AMDHD1: variants seen among roughly 807,000 people sequenced by gnomAD.
The protein encoded by AMDHD1 is amidohydrolase domain containing 1.
Under a neutral mutation model 44.1 loss-of-function variants are expected in AMDHD1, and 45 were observed. The ratio of observed to expected loss-of-function variants is 1.02; its 90% CI spans 0.80 to 1.31. The LOEUF (loss-of-function observed/expected upper bound fraction) is 1.31, where lower values mean the gene tolerates loss of function less well. AMDHD1 is among the 50% of genes most tolerant of loss of function. AMDHD1 has a pLI of 0.00. For missense variants in AMDHD1, 586 were observed against 552.1 expected, an observed-to-expected ratio of 1.06 and a Z score of -0.61; for synonymous variants, 206 against 205.0, an observed-to-expected ratio of 1.00 and a Z score of -0.04.
intron 8 of AMDHD1, 37 bp downstream of exon 8, chr12:95,966,545 C>T: frequency 6.2e-7 from 1 of 1,611,636 alleles, no homozygotes; most frequent in Non-Finnish European, 8.5e-7. Context: ...TATATTATGC[C>T]CACTGAAGTA....
At chr12:95,944,669 G>A (rs990013576) in intron 1 of AMDHD1, among the ~76,000 whole-genome samples, 1 of 152,088 alleles carries the variant, frequency 6.6e-6, no homozygotes, top group African/African-American at 2.4e-5. Flanking sequence ...CACCTGGTTT[G>A]GCCTCCCAGT....
At position 95,948,538 on chromosome 12, in the gene AMDHD1, T is replaced by TGG. The variant is rs1386260432; in HGVS notation, c.138-4170_138-4169dup. Among the ~76,000 whole-genome samples, 26 of 29,672 alleles carry TGG rather than the reference T, an allele frequency of 8.8e-4. 4 individuals are homozygous for TGG. The highest frequency in any genetic ancestry group is 1.1e-3 in the Admixed American group (3 of 2,722). The allele number at this position is 29,672 out of a possible 152,430, so 19.5% of individuals were successfully genotyped here. A position where few individuals can be genotyped will look rare whatever the true frequency, so the allele number is the denominator to read the frequency against. ...CCAGCTGCCCCGTCCGGGAGGGAGGTGGGGGGGGGGTCAGCCCCCACCGCC... is the reference window on the plus strand; with the variant it reads ...CCAGCTGCCCCGTCCGGGAGGGAGGTGGGGGGGGGGGGTCAGCCCCCACCGCC... On this transcript the variant is annotated intron_variant, in intron 1 of 8. Coordinates refer to ENST00000266736, the MANE Select transcript of AMDHD1 (RefSeq NM_152435.3).
intron 4 of AMDHD1, 23 bp downstream of exon 4, chr12:95,956,985 C>G: frequency 8.1e-6 from 13 of 1,610,894 alleles, no homozygotes; most frequent in Non-Finnish European, 1.1e-5. Flanking sequence ...AGTGGGGGCC[C>G]GGGTTTAACT....
intron 1 of AMDHD1, among the ~76,000 whole-genome samples, chr12:95,944,657 T>C (rs1294912343): frequency 6.6e-6 from 1 of 152,136 alleles, no homozygotes; most frequent in Non-Finnish European, 1.5e-5. Flanking sequence ...GCTCAAGCCA[T>C]CCACCTGGTT....
chr12:95,953,300 G>A (rs1408598424), intron 2 of AMDHD1, among the ~76,000 whole-genome samples: 1 of 152,190 alleles, frequency 6.6e-6, no homozygotes, highest in East Asian at 1.9e-4. Context: ...TGTATAGGAT[G>A]TGAAACAAAG....
intron 1 of AMDHD1, among the ~76,000 whole-genome samples, chr12:95,944,519 C>G (rs2080484661): frequency 6.6e-6 from 1 of 151,892 alleles, no homozygotes; most frequent in Non-Finnish European, 1.5e-5. Context: ...CAGGCTCAAG[C>G]CATCCTCCCA....
At chr12:95,954,758 C>A (rs11108351) in intron 2 of AMDHD1, among the ~76,000 whole-genome samples, 153 bp from the exon 3 acceptor site, 29,953 of 152,018 alleles carry the variant, frequency 0.2, 3,682 homozygotes, top group East Asian at 0.4. Flanking sequence ...ATCAAGGGAA[C>A]CAGACAGACA....
chr12:95,962,470 A>G lies in AMDHD1; in HGVS notation c.929A>G (p.Tyr310Cys). Residue 310 changes from tyrosine (Y) to cysteine (C), a missense_variant, in exon 6 of 9, where the codon TAC becomes TGC. Tyr to Cys is a radical substitution (Grantham distance 194). Coordinates refer to ENST00000266736, the MANE Select transcript of AMDHD1 (RefSeq NM_152435.3). The stretch of plus-strand genomic sequence containing the variant: ...GCCATCCTTCTGCCCACCACAGCCT[A>G]CATGCTGAGGTAAGGTCGTTTCTCA... ...CSAILLPTTA[Y>C]MLRLKQPRAR... 1 of 1,605,172 alleles carries G rather than the reference A, an allele frequency of 6.2e-7. No homozygotes were observed.
Position 95,960,436 on chromosome 12 carries a change from A to G in AMDHD1, c.626A>G (p.Asn209Ser). 6.2e-7 allele frequency: 1 copy of G among 1,614,224 alleles called. No individual in the cohort carries two copies. Among genetic ancestry groups the G allele is most frequent in the African/African-American group, 1.3e-5 (1 of 75,068 alleles). ...ACTGAAGCTGCTGATGACATCATCA[A>G]TAACCACCTCCCAAAGCTGAAGGAA... ...TATEAADDII[N>S]NHLPKLKELG... is the part of the protein sequence containing the mutation. Residue 209 changes from asparagine (N) to serine (S), a missense_variant, in exon 5 of 9, where the codon AAT (asparagine) becomes AGT (serine). Coordinates refer to ENST00000266736, the MANE Select transcript of AMDHD1 (RefSeq NM_152435.3).
intron 8 of AMDHD1, 79 bp downstream of exon 8, chr12:95,966,587 A>G: frequency 6.5e-7 from 1 of 1,526,750 alleles, no homozygotes; most frequent in Non-Finnish European, 9.0e-7. Context: ...TTTTCCACTA[A>G]TTATTAGTGT....
At chr12:95,958,855 AG>A (rs1214841007) in intron 4 of AMDHD1, among the ~76,000 whole-genome samples, 1 of 152,150 alleles carries the variant, frequency 6.6e-6, no homozygotes, top group Non-Finnish European at 1.5e-5. Context: ...CAGAAGTTTG[AG>A]ACCAGCTTGA....
intron 4 of AMDHD1, among the ~76,000 whole-genome samples, chr12:95,958,813 T>C (rs548151466): frequency 6.6e-6 from 1 of 152,296 alleles, no homozygotes; most frequent in South Asian, 2.1e-4. Context: ...CCCAGCACTT[T>C]GGGGGGCCGA....
At chr12:95,966,246 A>C (rs2080609579) in intron 7 of AMDHD1, 102 bp from the exon 8 acceptor site, 27 of 1,359,616 alleles carry the variant, frequency 2.0e-5, no homozygotes, top group Middle Eastern at 2.1e-4. Context: ...AATTCCTCCT[A>C]TACCTTTAAC....
chr12:95,950,289 C>G (rs766885607), intron 1 of AMDHD1, among the ~76,000 whole-genome samples: 6 of 152,122 alleles, frequency 3.9e-5, no homozygotes, highest in Non-Finnish European at 8.8e-5. Context: ...TAAGTTTATC[C>G]TCCCCAAATC....
chr12:95,966,966 G>T (rs182816214), intron 8 of AMDHD1, among the ~76,000 whole-genome samples: 16 of 152,280 alleles, frequency 1.1e-4, no homozygotes, highest in Admixed American at 9.8e-4. Flanking sequence ...ATAGTCTGTT[G>T]CCACCTGGGC....
At chr12:95,959,435 G>A (rs2080568581) in intron 4 of AMDHD1, among the ~76,000 whole-genome samples, 1 of 152,180 alleles carries the variant, frequency 6.6e-6, no homozygotes. Context: ...TAGAGACAGG[G>A]TCTTGCTCTG....
At chr12:95,966,778 T>C (rs2080613513) in intron 8 of AMDHD1, among the ~76,000 whole-genome samples, 1 of 152,214 alleles carries the variant, frequency 6.6e-6, no homozygotes, top group South Asian at 2.1e-4. Context: ...TTTGGCCGGG[T>C]TGTGCCCTCT....
rs373657999 is a variant in AMDHD1, at chr12:95,956,888, C to T, written c.513C>T (p.Arg171=). 142 of 1,613,852 alleles carry T rather than the reference C, an allele frequency of 8.8e-5. No homozygotes were observed. Among genetic ancestry groups the T allele is most frequent in the Admixed American group, 5.7e-4 (34 of 60,028 alleles). Residue 171 remains arginine, a synonymous_variant, in exon 4 of 9, where the codon CGC becomes CGT. Coordinates refer to ENST00000266736, the MANE Select transcript of AMDHD1 (RefSeq NM_152435.3). ...TGGAGACCGAGCTCAAGATGCTGCG[C>T]GTGATTGAGCGCGCCCGGCGGGAGC... ...LDLETELKML[R]VIERARRELD...
rs569650651 is a variant in AMDHD1, at chr12:95,963,083, A to T, written c.938+604A>T. Among the ~76,000 whole-genome samples, 8 of 152,282 alleles carry T rather than the reference A, an allele frequency of 5.3e-5. No homozygotes were observed. The South Asian group carries it at 1.7e-3, about 32-fold the overall frequency. ...CCAATATGAGATCTGAGGTCTTCTG[A>T]CACTTCCCATTGTACCACTTACTTA... On this transcript the variant is annotated intron_variant, in intron 6 of 8. Transcript: ENST00000266736.
Sources: gnomAD v4.1 joint callset for allele counts (sites outside exome capture counted in the v4.1 genomes callset) on GRCh38, gnomAD v4.1.1 for gene constraint, MANE v1.5 for transcripts, NCBI Gene and HGNC (gene_info 2026-07-23, HGNC 2026-07-21) for gene names.